SPAG9: variants seen among roughly 807,000 people sequenced by gnomAD.
SPAG9 encodes the protein sperm associated antigen 9.
SPAG9 carries 35 observed loss-of-function variants against 166.5 expected under a neutral mutation model. That is an observed-to-expected ratio of 0.21 (90% CI 0.16 to 0.28). The LOEUF is 0.28. Ranked by LOEUF, SPAG9 falls within the 10% of genes least tolerant of loss-of-function variation. The pLI, the probability that SPAG9 is intolerant of heterozygous loss-of-function variation, is 1.00. For synonymous variants in SPAG9, 534 were observed against 565.5 expected (o/e 0.94, Z 0.79); for missense variants, 1,235 against 1,603.3 (o/e 0.77, Z 3.92).
chr17:51,035,081 A>G (rs568458088), intron 5 of SPAG9, among the ~76,000 whole-genome samples: 1 of 152,340 alleles, frequency 6.6e-6, no homozygotes, highest in South Asian at 2.1e-4. Context: ...AGACTGAGAC[A>G]GGAGGATTAC....
At chr17:50,989,524 C>A (rs190152780) in intron 21 of SPAG9, 153 bp downstream of exon 21, 4 of 717,686 alleles carry the variant, frequency 5.6e-6, no homozygotes, top group Non-Finnish European at 2.5e-6. Flanking sequence ...AATGATGGAG[C>A]GGGAATACAT....
intron 2 of SPAG9, among the ~76,000 whole-genome samples, chr17:51,072,849 G>C (rs951087285): frequency 2.0e-5 from 3 of 152,050 alleles, no homozygotes; most frequent in African/African-American, 7.2e-5. Flanking sequence ...ATAGTATAGG[G>C]AACTAATGAT....
intron 22 of SPAG9, 111 bp downstream of exon 22, chr17:50,987,001 C>A (rs1175047783): frequency 1.9e-6 from 2 of 1,057,840 alleles, no homozygotes; most frequent in South Asian, 1.6e-5. Flanking sequence ...ATATAAAATT[C>A]TTTGCATTAA....
chr17:51,045,658 C>T (rs564137093), intron 4 of SPAG9, among the ~76,000 whole-genome samples: 6 of 152,174 alleles, frequency 3.9e-5, no homozygotes, highest in African/African-American at 1.4e-4. Flanking sequence ...AAACCATGCA[C>T]AAAGCAGAAA....
At chr17:50,973,254 A>C (rs150641863) in intron 28 of SPAG9, among the ~76,000 whole-genome samples, 1 of 152,340 alleles carries the variant, frequency 6.6e-6, no homozygotes, top group East Asian at 1.9e-4. Context: ...ATACAAAAAC[A>C]GGGGCAAGAG....
intron 4 of SPAG9, chr17:51,047,092 A>G: frequency 3.4e-6 from 1 of 298,384 alleles, no homozygotes; most frequent in Non-Finnish European, 5.0e-6. Flanking sequence ...CAGCATTCCC[A>G]TAAATTACAA....
At position 51,041,711 on chromosome 17, in the gene SPAG9, G is replaced by A; in HGVS notation, c.591-60C>T. The A allele has an allele frequency of 2.6e-6, 4 of 1,523,458 alleles. No individual in the cohort carries two copies. The South Asian group carries it at 4.6e-5, about 17-fold the overall frequency. The allele number at this position is 1,523,458 out of a possible 1,614,324, so 94.4% of individuals were successfully genotyped here. A position where few individuals can be genotyped will look rare whatever the true frequency, so the allele number is the denominator to read the frequency against. ...TTTATTTTGACTTTTTATTTGCCAT[G>A]ACTATAAGTAATAAGCCTGGACTGC... On this transcript the variant is annotated intron_variant, in intron 4 of 29. Transcript: ENST00000262013.
chr17:51,058,073 A>T (rs1260158641), intron 2 of SPAG9, among the ~76,000 whole-genome samples: 2 of 152,228 alleles, frequency 1.3e-5, no homozygotes, highest in African/African-American at 4.8e-5. Context: ...TCAATTGTTC[A>T]TCTTTTTGAA....
Position 50,993,947 on chromosome 17 carries a change from A to G in SPAG9, c.2227-12T>C, listed in dbSNP as rs1975837082. 1 of 1,610,922 alleles carries G rather than the reference A, an allele frequency of 6.2e-7. No homozygotes were observed. The highest frequency in any genetic ancestry group is 1.1e-5 in the South Asian group (1 of 90,778). On this transcript the variant is annotated splice_polypyrimidine_tract_variant and intron_variant, in intron 18 of 29. Transcript: ENST00000262013. ...TCCTTCTGCTGTTCCTGTATAGGCA[A>G]AGGAGGAAAAATGTTTAAAACAATA...
intron 2 of SPAG9, among the ~76,000 whole-genome samples, chr17:51,067,918 A>G (rs545917097): frequency 3.6e-4 from 55 of 152,362 alleles, no homozygotes; most frequent in African/African-American, 1.2e-3. Flanking sequence ...TGCCGGCTCA[A>G]AATCAGAGCT....
chr17:50,995,012 C>A, intron 18 of SPAG9, 45 bp downstream of exon 18: 1 of 1,499,866 alleles, frequency 6.7e-7, no homozygotes. Flanking sequence ...AAGAGTTAAA[C>A]TCATAGTCTC....
At chr17:50,991,589 G>A (rs2143833804) in intron 19 of SPAG9, among the ~76,000 whole-genome samples, 1 of 151,590 alleles carries the variant, frequency 6.6e-6, no homozygotes, top group Non-Finnish European at 1.5e-5. Flanking sequence ...TTACAATATT[G>A]GCATTAATAT....
At chr17:51,010,062 TA>T (rs949120595) in intron 9 of SPAG9, among the ~76,000 whole-genome samples, 37 of 146,594 alleles carry the variant, frequency 2.5e-4, no homozygotes, top group African/African-American at 4.7e-4. Context: ...ACAAGCAAAA[TA>T]AAAAAAAAAC....
intron 1 of SPAG9, among the ~76,000 whole-genome samples, chr17:51,082,086 G>A (rs1471953789): frequency 1.3e-5 from 2 of 151,948 alleles, no homozygotes; most frequent in Non-Finnish European, 2.9e-5. Flanking sequence ...ATTTAAAACT[G>A]TGATACCAGG....
At chr17:51,090,076 G>A (rs182059804) in intron 1 of SPAG9, among the ~76,000 whole-genome samples, 1 of 152,088 alleles carries the variant, frequency 6.6e-6, no homozygotes, top group Admixed American at 6.6e-5. Context: ...ATTCCAGGCA[G>A]AGGTCACAGC....
chr17:51,080,584 T>C (rs2048133151), intron 1 of SPAG9, among the ~76,000 whole-genome samples: 1 of 152,132 alleles, frequency 6.6e-6, no homozygotes, highest in Admixed American at 6.6e-5. Context: ...CAATTGGATG[T>C]TTAAAAAGCA....
chr17:51,036,180 A>G (rs1449311751), intron 5 of SPAG9, among the ~76,000 whole-genome samples: 1 of 151,928 alleles, frequency 6.6e-6, no homozygotes, highest in Non-Finnish European at 1.5e-5. Context: ...CTCCCATTCT[A>G]TACTTTTCCC....
chr17:51,003,919 T>C (rs1567986254), intron 12 of SPAG9, among the ~76,000 whole-genome samples: 2 of 152,218 alleles, frequency 1.3e-5, no homozygotes, highest in African/African-American at 2.4e-5. Flanking sequence ...AACAGCATTG[T>C]AAAAAGCTGA....
intron 11 of SPAG9, among the ~76,000 whole-genome samples, chr17:51,005,730 A>T (rs1489277048): frequency 6.6e-6 from 1 of 152,210 alleles, no homozygotes; most frequent in Non-Finnish European, 1.5e-5. Flanking sequence ...AGGCACCTAC[A>T]ATCCCAGCTA....
Sources: gnomAD v4.1 joint callset for allele counts (sites outside exome capture counted in the v4.1 genomes callset) on GRCh38, gnomAD v4.1.1 for gene constraint, MANE v1.5 for transcripts, NCBI Gene and HGNC (gene_info 2026-07-23, HGNC 2026-07-21) for gene names.